HEPACAM2: variants seen among roughly 807,000 people sequenced by gnomAD.
The protein encoded by HEPACAM2 is HEPACAM family member 2, also known as mitotic kinetics regulator.
Under a neutral mutation model 49.6 loss-of-function variants are expected in HEPACAM2, and 49 were observed. The observed-to-expected ratio is 0.99, with a 90% confidence interval of 0.78 to 1.25. The LOEUF is 1.25. Ranked by LOEUF, HEPACAM2 falls within the 50% of genes most tolerant of loss-of-function variation. The pLI is 0.00. For synonymous variants in HEPACAM2, 197 were observed against 202.9 expected (o/e 0.97, Z 0.25); for missense variants, 525 against 557.2 (o/e 0.94, Z 0.58).
chr7:93,226,324 A>G (rs1380591150), intron 1 of HEPACAM2, 44 bp downstream of exon 1: 1 of 1,450,710 alleles, frequency 6.9e-7, no homozygotes, highest in Non-Finnish European at 9.6e-7. Flanking sequence ...TTAAAAAAAA[A>G]AAACCTAACA....
upstream of HEPACAM2, among the ~76,000 whole-genome samples, chr7:93,230,957 A>G (rs997510725): frequency 6.6e-6 from 1 of 152,220 alleles, no homozygotes; most frequent in Non-Finnish European, 1.5e-5. Context: ...TTTACAATTT[A>G]TACATTTCAT....
upstream of HEPACAM2, among the ~76,000 whole-genome samples, chr7:93,229,628 C>T (rs1468232811): frequency 6.6e-6 from 1 of 152,146 alleles, no homozygotes; most frequent in African/African-American, 2.4e-5. Flanking sequence ...ACTCTTGGCT[C>T]TGCACTCCTT....
At chr7:93,210,696 C>G (rs1794157055) in intron 3 of HEPACAM2, among the ~76,000 whole-genome samples, 1 of 151,798 alleles carries the variant, frequency 6.6e-6, no homozygotes, top group African/African-American at 2.4e-5. Flanking sequence ...GGATGGTTTG[C>G]TCAGTAATGG....
rs1188194764 is a variant in HEPACAM2 at position 93,189,385 on chromosome 7, T to C, written c.1386-115A>G. On this transcript the variant is annotated intron_variant, in intron 9 of 9. Transcript: ENST00000394468. ...CAGGGCTACAGATTAGAAGAATGTTTGGAGCTAGCTCAAGAAAATTACATT... is the reference window on the plus strand; with the variant it reads ...CAGGGCTACAGATTAGAAGAATGTTCGGAGCTAGCTCAAGAAAATTACATT... 3 of 592,534 alleles carry C rather than the reference T, an allele frequency of 5.1e-6. No homozygotes were observed. The African/African-American group carries it at 5.7e-5, about 11-fold the overall frequency. 36.7% of individuals were successfully genotyped at this position (592,534 alleles called of 1,614,324 possible). A position where few individuals can be genotyped will look rare whatever the true frequency, so the allele number is the denominator to read the frequency against.
At chr7:93,205,099 T>C (rs1242999371) in intron 4 of HEPACAM2, among the ~76,000 whole-genome samples, 1 of 138,910 alleles carries the variant, frequency 7.2e-6, no homozygotes, top group Non-Finnish European at 1.5e-5. Flanking sequence ...AAACTTCATC[T>C]CAAAAAAAAA....
chr7:93,196,874 T>C (rs1337310431), intron 7 of HEPACAM2, among the ~76,000 whole-genome samples: 2 of 152,186 alleles, frequency 1.3e-5, no homozygotes, highest in African/African-American at 4.8e-5. Context: ...ACCTTAGGAA[T>C]GAACAAAGTG....
intron 2 of HEPACAM2, among the ~76,000 whole-genome samples, chr7:93,218,724 G>A (rs563796804): frequency 6.6e-6 from 1 of 152,192 alleles, no homozygotes. Flanking sequence ...ACAGTGTACT[G>A]AAACAAAAAT....
Position 93,219,411 on chromosome 7 carries a change from A to G in HEPACAM2, c.120T>C (p.Thr40=). The change falls in exon 2 of 10, where the codon ACT becomes ACC. Residue 40 remains threonine (T), a synonymous_variant. Coordinates refer to ENST00000394468, the MANE Select transcript of HEPACAM2 (RefSeq NM_001039372.4). ...GGGCCTGACCTCTGACGCCATGGAC[A>G]GTGTGTGATGGCACTGTCACCTTCA... ...SGLKVTVPSH[T]VHGVRGQALY... 6.2e-7 allele frequency: 1 copy of G among 1,614,016 alleles called. No individual in the cohort carries two copies. The highest frequency in any genetic ancestry group is 8.5e-7 in the Non-Finnish European group (1 of 1,179,942).
upstream of HEPACAM2, among the ~76,000 whole-genome samples, chr7:93,230,676 T>G (rs573545242): frequency 6.6e-6 from 1 of 152,346 alleles, no homozygotes; most frequent in Admixed American, 6.5e-5. Flanking sequence ...TTTCAGGGAC[T>G]TCTAAATATT....
chr7:93,216,445 C>T (rs1794309940), intron 2 of HEPACAM2, among the ~76,000 whole-genome samples: 1 of 152,188 alleles, frequency 6.6e-6, no homozygotes, highest in Non-Finnish European at 1.5e-5. Context: ...CTTATTTCAT[C>T]ATCTGCCACA....
At position 93,197,572 on chromosome 7, in the gene HEPACAM2, G is replaced by A. The variant is rs1388174062; in HGVS notation, c.1051C>T (p.Pro351Ser). 5 of 1,598,256 alleles carry A rather than the reference G, an allele frequency of 3.1e-6. No individual in the cohort carries two copies. The highest frequency in any genetic ancestry group is 2.6e-6 in the Non-Finnish European group (3 of 1,170,848). ...KLAQKGKSLSPLASITGISLF... is the reference protein window; with the variant it reads ...KLAQKGKSLSSLASITGISLF... The stretch of plus-strand genomic sequence containing the variant: ...GATATTCCAGTTATACTTGCTAAAG[G>A]TGACAATGATTTTCCTTTCTGTGCA... The change falls in exon 5 of 10, where the codon CCT becomes TCT. Residue 351 changes from proline to serine, a missense_variant. Coordinates refer to ENST00000394468, the MANE Select transcript of HEPACAM2 (RefSeq NM_001039372.4).
At chr7:93,194,165 T>C (rs972515658) in intron 8 of HEPACAM2, among the ~76,000 whole-genome samples, 1 of 152,146 alleles carries the variant, frequency 6.6e-6, no homozygotes, top group African/African-American at 2.4e-5. Context: ...GCTATAATAT[T>C]TTGAGCCAAT....
At chr7:93,223,750 A>G (rs1310577323) in intron 1 of HEPACAM2, among the ~76,000 whole-genome samples, 1 of 152,232 alleles carries the variant, frequency 6.6e-6, no homozygotes, top group East Asian at 1.9e-4. Context: ...AATTATAGGT[A>G]GCAAGTTATA....
rs748387031 is a variant in HEPACAM2, at chr7:93,189,228, C to A, written c.*39G>T. On this transcript the variant is annotated 3_prime_UTR_variant, in exon 10 of 10. Coordinates refer to ENST00000394468, the MANE Select transcript of HEPACAM2 (RefSeq NM_001039372.4). ...ACTGTTTTTCCTTAAAATGTTTCTT[C>A]AGAATTTCACTCGAATGTACTGTTT... 1 of 1,566,790 alleles carries A rather than the reference C, an allele frequency of 6.4e-7. No homozygotes were observed. The highest frequency in any genetic ancestry group is 1.1e-5 in the South Asian group (1 of 88,530).
chr7:93,212,511 GT>G (rs147294389), intron 3 of HEPACAM2, among the ~76,000 whole-genome samples: 141 of 147,290 alleles, frequency 9.6e-4, no homozygotes, highest in East Asian at 3.4e-3. Flanking sequence ...GAAATGCACG[GT>G]TTTTTTTTTG....
In HEPACAM2 at chr7:93,189,257, C is replaced by A. The variant is rs947487046; in HGVS notation, c.*10G>T. ...ATTTCACTCGAATGTACTGTTTAGC[C>A]CATGAAAGTTCACCTAGTGAAGAGA... On this transcript the variant is annotated 3_prime_UTR_variant, in exon 10 of 10. Transcript: ENST00000394468. 1.3e-6 allele frequency: 2 copies of A among 1,594,762 alleles called. No individual in the cohort carries two copies. The highest frequency in any genetic ancestry group is 1.7e-5 in the Admixed American group (1 of 57,980).
At chr7:93,216,088 G>A (rs1262876341) in intron 2 of HEPACAM2, among the ~76,000 whole-genome samples, 1 of 152,074 alleles carries the variant, frequency 6.6e-6, no homozygotes. Flanking sequence ...TGTCCCAATA[G>A]CAGCTGGTTG....
In HEPACAM2 at chr7:93,208,626, G is replaced by T. The variant is rs144849264; in HGVS notation, c.966C>A (p.Thr322=). The part of the protein sequence containing the change: ...DYVCCAYNNI[T]GRQDETHFTV... The stretch of plus-strand genomic sequence containing the variant: ...TGAAATGAGTTTCATCTTGCCTGCC[G>T]GTTATGTTGTTGTAAGCACAGCACA... Residue 322 remains threonine (T), a synonymous_variant, in exon 4 of 10, where the codon ACC becomes ACA. Transcript: ENST00000394468. 3.1e-6 allele frequency: 5 copies of T among 1,612,914 alleles called. No individual in the cohort carries two copies. In the East Asian group the frequency reaches 1.1e-4, roughly 36 times the overall value.
intron 4 of HEPACAM2, among the ~76,000 whole-genome samples, chr7:93,203,542 T>A (rs1013811389): frequency 9.9e-5 from 15 of 152,166 alleles, no homozygotes; most frequent in Admixed American, 9.8e-4. Context: ...GAGTTTATAC[T>A]ATTCTTTAGC....
Sources: gnomAD v4.1 joint callset for allele counts (sites outside exome capture counted in the v4.1 genomes callset) on GRCh38, gnomAD v4.1.1 for gene constraint, MANE v1.5 for transcripts, NCBI Gene and HGNC (gene_info 2026-07-23, HGNC 2026-07-21) for gene names.